Variants in ZNF235 observed in about 807,000 individuals in gnomAD.
ZNF235 encodes the protein zinc finger protein 235.
In ZNF235, 25 loss-of-function variants were observed where a neutral mutation model predicts 29.4. That is an observed-to-expected ratio of 0.85 (90% CI 0.62 to 1.19). The LOEUF (loss-of-function observed/expected upper bound fraction) is 1.19, where lower values mean the gene tolerates loss of function less well. ZNF235 is among the 50% of genes most tolerant of loss of function. The pLI, the probability that ZNF235 is intolerant of heterozygous loss-of-function variation, is 0.00. For missense variants in ZNF235, 788 were observed against 885.0 expected (o/e 0.89, Z 1.39); for synonymous variants, 300 against 295.3 (o/e 1.02, Z -0.16).
At chr19:44,303,204 CAG>C (rs1975780210) in intron 2 of ZNF235, among the ~76,000 whole-genome samples, 184 bp downstream of exon 2, 1 of 115,544 alleles carries the variant, frequency 8.7e-6, no homozygotes, top group Admixed American at 9.5e-5. Context: ...TAGAAATTAA[CAG>C]ATATATATAT....
Position 44,299,099 on chromosome 19 carries a change from TA to T in ZNF235, c.143-197del, listed in dbSNP as rs542691395. Among the ~76,000 whole-genome samples the T allele has an allele frequency of 4.6e-4, 70 of 152,256 alleles. No individual in the cohort carries two copies. In the East Asian group the frequency reaches 0.013, roughly 27 times the overall value. Reference sequence around the variant, plus strand: ...CATTACCCTGTGTAAACTATTGAAATAAAAGGTTAAAGGACCTATTTCTAAT... The same window carrying T: ...CATTACCCTGTGTAAACTATTGAAATAAAGGTTAAAGGACCTATTTCTAAT... On this transcript the variant is annotated intron_variant, in intron 3 of 4. Transcript: ENST00000291182.
chr19:44,298,843 A>C lies in ZNF235; in HGVS notation c.203T>G (p.Met68Arg). ...SQLEREEKLW[M>R]KELQTQRGKH... ...ACCTCTTTGGGTTTGAAGCTCCTTC[A>C]TCCAAAGCTTTTCTTCCCTCTCCAA... is the stretch of plus-strand genomic sequence containing the variant. Residue 68 changes from methionine to arginine, a missense_variant, in exon 4 of 5, where the codon ATG (methionine) becomes AGG (arginine). By Grantham distance (91) the Met-to-Arg change is moderately conservative. Coordinates refer to ENST00000291182, the MANE Select transcript of ZNF235 (RefSeq NM_004234.4). The C allele has an allele frequency of 6.2e-7, 1 of 1,614,134 alleles. No individual in the cohort carries two copies. Among genetic ancestry groups the C allele is most frequent in the Non-Finnish European group, 8.5e-7 (1 of 1,179,958 alleles).
intron 2 of ZNF235, among the ~76,000 whole-genome samples, chr19:44,302,974 GTATA>G (rs1418642905): frequency 9.4e-6 from 1 of 106,404 alleles, no homozygotes; most frequent in Non-Finnish European, 1.7e-5. Flanking sequence ...ACGTATATAT[GTATA>G]TATTTATATA....
chr19:44,303,590 G>T (rs899220589), intron 1 of ZNF235, 138 bp from the exon 2 acceptor site: 3 of 629,328 alleles, frequency 4.8e-6, no homozygotes, highest in Admixed American at 3.3e-5. Context: ...GAGAACGGGA[G>T]CTAGCTCCCA....
At position 44,299,752 on chromosome 19, in the gene ZNF235, T is replaced by C; in HGVS notation, c.16-20A>G. The C allele has an allele frequency of 6.2e-7, 1 of 1,613,722 alleles. No homozygotes were observed. Among genetic ancestry groups the C allele is most frequent in the Non-Finnish European group, 8.5e-7 (1 of 1,179,788 alleles). ...TGCCTCCTAGAACATCAAGCACATG[T>C]AACCTCAATCTCACACCCAATGGCC... On this transcript the variant is annotated intron_variant, in intron 2 of 4. Transcript: ENST00000291182.
At chr19:44,302,994 A>T (rs960941362) in intron 2 of ZNF235, among the ~76,000 whole-genome samples, 2 of 131,704 alleles carry the variant, frequency 1.5e-5, no homozygotes, top group African/African-American at 6.3e-5. Flanking sequence ...ATATATAAAT[A>T]TATACATATA....
chr19:44,303,730 G>A (rs904100551), intron 1 of ZNF235, among the ~76,000 whole-genome samples: 2 of 152,164 alleles, frequency 1.3e-5, no homozygotes, highest in African/African-American at 4.8e-5. Context: ...ACACAGACAG[G>A]CAGGGGAATG....
chr19:44,296,793 C>G (rs150041839), intron 4 of ZNF235, among the ~76,000 whole-genome samples: 2 of 152,066 alleles, frequency 1.3e-5, no homozygotes, highest in Non-Finnish European at 2.9e-5. Flanking sequence ...TAAAATCACA[C>G]AAAGTATCTC....
In ZNF235 at chr19:44,303,509, A is replaced by T; in HGVS notation, c.-48-57T>A. ...TAGGGATGGCATTAGTCACCATGGC[A>T]CTTTTATGTGACACTTCAGAGAAAG... On this transcript the variant is annotated intron_variant, in intron 1 of 4. Coordinates refer to ENST00000291182, the MANE Select transcript of ZNF235 (RefSeq NM_004234.4). The T allele has an allele frequency of 8.7e-6, 13 of 1,487,770 alleles. No homozygotes were observed. In the South Asian group the frequency reaches 1.4e-4, roughly 16 times the overall value. 92.2% of individuals were successfully genotyped at this position (1,487,770 alleles called of 1,614,324 possible). A position where few individuals can be genotyped will look rare whatever the true frequency, so the allele number is the denominator to read the frequency against.
chr19:44,299,123 A>C (rs1402700667), intron 3 of ZNF235, among the ~76,000 whole-genome samples: 3 of 152,198 alleles, frequency 2.0e-5, no homozygotes, highest in East Asian at 3.8e-4. Context: ...ACCTATTTCT[A>C]ATCAATATCT....
intron 2 of ZNF235, among the ~76,000 whole-genome samples, chr19:44,301,769 C>T (rs989240665): frequency 6.6e-5 from 10 of 152,122 alleles, no homozygotes; most frequent in African/African-American, 2.4e-4. Context: ...GGCCTTCACC[C>T]AAATGGAACA....
At position 44,288,508 on chromosome 19, in the gene ZNF235, T is replaced by C. The variant is rs1426986469; in HGVS notation, c.927A>G (p.Gln309=). ...DTSYSSGIPV[Q]QSVRTGKKRY... is the part of the protein sequence containing the mutation. The stretch of plus-strand genomic sequence containing the variant: ...GTTTTTTCCCAGTACGAACACTTTG[T>C]TGAACAGGAATACCTGAGCTATAAC... Residue 309 remains glutamine, a synonymous_variant, in exon 5 of 5, where the codon CAA becomes CAG. Transcript: ENST00000291182. The C allele has an allele frequency of 6.2e-7, 1 of 1,614,178 alleles. No homozygotes were observed. Among genetic ancestry groups the C allele is most frequent in the Admixed American group, 1.7e-5 (1 of 60,016 alleles).
chr19:44,298,909 A>C lies in ZNF235; in HGVS notation c.143-6T>G. The stretch of plus-strand genomic sequence containing the variant: ...TGGTTTGAAGGACTGATGTCCTATA[A>C]AAAGATAGTATTTAAGTGAAAATGT... On this transcript the variant is annotated splice_polypyrimidine_tract_variant and splice_region_variant and intron_variant, in intron 3 of 4. Transcript: ENST00000291182. 6.2e-7 allele frequency: 1 copy of C among 1,602,408 alleles called. No individual in the cohort carries two copies. The highest frequency in any genetic ancestry group is 2.2e-5 in the East Asian group (1 of 44,838).
chr19:44,293,879 A>G (rs10404742), intron 4 of ZNF235, among the ~76,000 whole-genome samples: 2,670 of 152,106 alleles, frequency 0.018, 73 homozygotes, highest in African/African-American at 0.061. Context: ...CGAAAATACA[A>G]TATACCAAAA....
At chr19:44,303,542 T>C (rs1273850436) in intron 1 of ZNF235, 90 bp from the exon 2 acceptor site, 3 of 1,213,528 alleles carry the variant, frequency 2.5e-6, no homozygotes, top group Non-Finnish European at 3.5e-6. Context: ...AAGGTCCCCC[T>C]GTCTCTAGGC....
In ZNF235 at chr19:44,287,336, GT is replaced by G; in HGVS notation, c.2098del (p.Thr700HisfsTer50). On this transcript the variant is annotated frameshift_variant, in exon 5 of 5. Coordinates refer to ENST00000291182, the MANE Select transcript of ZNF235 (RefSeq NM_004234.4). LOFTEE classifies it high-confidence loss of function. ...KGFSQASHFH[T>X]HQRVHTGERP... Reference sequence around the variant, plus strand: ...CTCTCCAGTGTGGACTCTCTGGTGTGTGTGAAAATGTGAGGCCTGACTGAAG... The same window carrying G: ...CTCTCCAGTGTGGACTCTCTGGTGTGGTGAAAATGTGAGGCCTGACTGAAG... 1 of 1,613,940 alleles carries G rather than the reference GT, an allele frequency of 6.2e-7. No homozygotes were observed. The highest frequency in any genetic ancestry group is 8.5e-7 in the Non-Finnish European group (1 of 1,179,958).
At chr19:44,297,790 C>A (rs1975674501) in intron 4 of ZNF235, among the ~76,000 whole-genome samples, 1 of 152,094 alleles carries the variant, frequency 6.6e-6, no homozygotes, top group African/African-American at 2.4e-5. Context: ...GAAAGCCTCT[C>A]ATGAAATGAT....
intron 2 of ZNF235, among the ~76,000 whole-genome samples, 187 bp from the exon 3 acceptor site, chr19:44,299,919 T>A (rs1420720431): frequency 6.6e-6 from 1 of 152,226 alleles, no homozygotes; most frequent in African/African-American, 2.4e-5. Flanking sequence ...AGAACTGTCA[T>A]TGTTAAATCA....
At chr19:44,304,523 CA>C (rs1975802352) in intron 1 of ZNF235, among the ~76,000 whole-genome samples, 1 of 152,204 alleles carries the variant, frequency 6.6e-6, no homozygotes, top group South Asian at 2.1e-4. Flanking sequence ...TTCCAAACAA[CA>C]GGCGTCTTTT....
Sources: gnomAD v4.1 joint callset for allele counts (sites outside exome capture counted in the v4.1 genomes callset) on GRCh38, gnomAD v4.1.1 for gene constraint, MANE v1.5 for transcripts, NCBI Gene and HGNC (gene_info 2026-07-23, HGNC 2026-07-21) for gene names.